Variants in CDK14 observed in about 807,000 individuals in gnomAD.
CDK14 encodes the protein cyclin-dependent kinase 14.
In CDK14, 34 loss-of-function variants were observed where a neutral mutation model predicts 60.7. The ratio of observed to expected loss-of-function variants is 0.56; its 90% CI spans 0.43 to 0.75. The LOEUF is 0.75. CDK14 is among the 30% of genes least tolerant of loss of function. The pLI, the probability that CDK14 is intolerant of heterozygous loss-of-function variation, is 0.00. For synonymous variants in CDK14, 197 were observed against 203.7 expected (o/e 0.97, Z 0.28); for missense variants, 482 against 564.1 (o/e 0.85, Z 1.47).
chr7:91,167,876 G>C (rs1801393368), intron 14 of CDK14, among the ~76,000 whole-genome samples: 1 of 152,218 alleles, frequency 6.6e-6, no homozygotes, highest in Non-Finnish European at 1.5e-5. Flanking sequence ...GTAGTTGGCT[G>C]TTCACATTTT....
intron 5 of CDK14, among the ~76,000 whole-genome samples, chr7:90,829,069 G>A (rs1267241601): frequency 1.3e-5 from 2 of 152,280 alleles, no homozygotes; most frequent in Non-Finnish European, 2.9e-5. Context: ...GAAGCGGGAA[G>A]TGCCACACTT....
intron 14 of CDK14, among the ~76,000 whole-genome samples, chr7:91,169,568 A>G (rs1275692994): frequency 6.6e-6 from 1 of 152,242 alleles, no homozygotes. Flanking sequence ...ATAAAACAAA[A>G]TAATACACAC....
intron 6 of CDK14, among the ~76,000 whole-genome samples, chr7:90,875,167 C>T (rs1791515543): frequency 1.3e-5 from 2 of 152,300 alleles, no homozygotes; most frequent in African/African-American, 4.8e-5. Context: ...GAAGTTCATC[C>T]ATGTTGTAGC....
chr7:91,060,835 T>G (rs1001107990), intron 11 of CDK14, among the ~76,000 whole-genome samples: 4 of 152,206 alleles, frequency 2.6e-5, no homozygotes, highest in Admixed American at 2.0e-4. Flanking sequence ...CCTTAACATT[T>G]TTTCCTTCAT....
chr7:90,640,763 A>T (rs1351146347), intron 2 of CDK14, among the ~76,000 whole-genome samples: 1 of 152,092 alleles, frequency 6.6e-6, no homozygotes, highest in Non-Finnish European at 1.5e-5. Context: ...AAAACCATTG[A>T]AAGCCTCTGT....
intron 6 of CDK14, among the ~76,000 whole-genome samples, chr7:90,874,719 G>A (rs1342684205): frequency 4.7e-5 from 7 of 150,262 alleles, no homozygotes; most frequent in East Asian, 2.0e-4. Context: ...TAGTAGAGAC[G>A]GGGTTTCACC....
intron 5 of CDK14, among the ~76,000 whole-genome samples, chr7:90,804,051 A>AAT (rs1269008252): frequency 6.6e-6 from 1 of 152,200 alleles, no homozygotes; most frequent in African/African-American, 2.4e-5. Flanking sequence ...ATTCTATTAT[A>AAT]TGGCCTTACT....
intron 2 of CDK14, among the ~76,000 whole-genome samples, chr7:90,631,015 G>A (rs995899937): frequency 2.0e-5 from 3 of 151,684 alleles, no homozygotes; most frequent in Non-Finnish European, 4.4e-5. Flanking sequence ...TTCTCTGCAT[G>A]CATACCATCT....
At position 90,704,117 on chromosome 7, in the gene CDK14, CA is replaced by C. The variant is rs1211834361; in HGVS notation, c.124-22449del. The stretch of plus-strand genomic sequence containing the variant: ...CAAAAAGAAAGCAGTGCCCTGAAAT[CA>C]GATTTTTTTGAAAGCCAGGCAAAAA... On this transcript the variant is annotated intron_variant, in intron 2 of 14. Transcript: ENST00000380050. 5.9e-5 allele frequency among the ~76,000 whole-genome samples: 9 copies of C among 152,244 alleles called. No homozygotes were observed. The South Asian group carries it at 1.9e-3, about 32-fold the overall frequency.
chr7:91,179,207 A>T (rs1490393406), intron 14 of CDK14, among the ~76,000 whole-genome samples: 1 of 151,992 alleles, frequency 6.6e-6, no homozygotes, highest in Admixed American at 6.6e-5. Context: ...CTTTGTAGGG[A>T]CATGGATGAA....
chr7:90,651,599 G>T (rs987977130), intron 2 of CDK14, among the ~76,000 whole-genome samples: 6 of 152,016 alleles, frequency 3.9e-5, no homozygotes, highest in Middle Eastern at 3.2e-3. Context: ...TCCATTGAGT[G>T]GAACAGTTAT....
At chr7:91,008,150 C>A (rs56166338) in intron 10 of CDK14, among the ~76,000 whole-genome samples, 18,650 of 87,722 alleles carry the variant, frequency 0.21, 2,654 homozygotes, top group Middle Eastern at 0.26. Flanking sequence ...AAAAAACAAA[C>A]AAAAAAAAAC....
At chr7:91,160,732 A>T (rs1801145360) in intron 14 of CDK14, among the ~76,000 whole-genome samples, 1 of 151,466 alleles carries the variant, frequency 6.6e-6, no homozygotes, top group Admixed American at 6.6e-5. Flanking sequence ...TTTCCTTTTT[A>T]TTTACTTTAT....
chr7:90,721,147 C>A (rs780815506), intron 2 of CDK14, among the ~76,000 whole-genome samples: 31 of 152,184 alleles, frequency 2.0e-4, no homozygotes, highest in Non-Finnish European at 4.4e-4. Flanking sequence ...CCCACCTGGT[C>A]TGCTGCCATT....
intron 7 of CDK14, among the ~76,000 whole-genome samples, chr7:90,901,137 C>A (rs1275069885): frequency 2.6e-5 from 4 of 152,134 alleles, no homozygotes; most frequent in Admixed American, 2.0e-4. Context: ...GTGTGCTTTT[C>A]TTTCATCACA....
chr7:91,108,718 G>A (rs1799385423), intron 12 of CDK14, among the ~76,000 whole-genome samples: 1 of 152,228 alleles, frequency 6.6e-6, no homozygotes, highest in East Asian at 1.9e-4. Context: ...ATTTCTTAAT[G>A]TCTTTTTATA....
intron 3 of CDK14, among the ~76,000 whole-genome samples, chr7:90,738,070 C>G (rs996019875): frequency 6.6e-6 from 1 of 152,046 alleles, no homozygotes; most frequent in Non-Finnish European, 1.5e-5. Flanking sequence ...GAAGATAGAC[C>G]GAAGCATGTT....
chr7:90,865,354 C>A (rs1219848460), intron 6 of CDK14, among the ~76,000 whole-genome samples: 1 of 152,058 alleles, frequency 6.6e-6, no homozygotes, highest in African/African-American at 2.4e-5. Flanking sequence ...AAATAACTTC[C>A]CTGAATATTA....
chr7:91,189,355 T>G (rs1802285271), intron 14 of CDK14, among the ~76,000 whole-genome samples: 2 of 152,192 alleles, frequency 1.3e-5, no homozygotes, highest in South Asian at 4.1e-4. Context: ...AAATAATAAA[T>G]GCATTCATAT....
Sources: allele counts gnomAD v4.1 joint callset (sites outside exome capture counted in the v4.1 genomes callset), GRCh38; gene constraint gnomAD v4.1.1; transcripts MANE v1.5; gene names NCBI Gene and HGNC (gene_info 2026-07-23, HGNC 2026-07-21).